PRKN: variants seen among roughly 807,000 people sequenced by gnomAD.
PRKN encodes E3 ubiquitin-protein ligase parkin.
In PRKN, 56 loss-of-function variants were observed where a neutral mutation model predicts 59.5. The observed-to-expected ratio is 0.94, with a 90% CI of 0.76 to 1.18. PRKN has a LOEUF of 1.18. PRKN is among the 50% of genes most tolerant of loss of function. The probability of loss-of-function intolerance (pLI) is 0.00; values close to 1 mark genes in which losing one functional copy is unlikely to be tolerated. For synonymous variants in PRKN, 250 were observed against 222.1 expected, an observed-to-expected ratio of 1.13 and a Z score of -1.12; for missense variants, 657 against 596.4, an observed-to-expected ratio of 1.10 and a Z score of -1.06.
At chr6:162,562,018 C>G (rs1269823526) in intron 1 of PRKN, among the ~76,000 whole-genome samples, 1 of 152,148 alleles carries the variant, frequency 6.6e-6, no homozygotes, top group African/African-American at 2.4e-5. Context: ...GCACAGTTCT[C>G]AGCTCCAGAA....
intron 1 of PRKN, among the ~76,000 whole-genome samples, chr6:162,487,049 A>AAT (rs1000673434): frequency 2.0e-5 from 3 of 152,060 alleles, no homozygotes; most frequent in African/African-American, 7.2e-5. Flanking sequence ...CAGCCTGGGC[A>AAT]ATAGAGTGAG....
At position 161,373,070 on chromosome 6, in the gene PRKN, C is replaced by T. The variant is rs1322961144; in HGVS notation, c.1168-12865G>A. 1.3e-5 allele frequency among the ~76,000 whole-genome samples: 2 copies of T among 152,050 alleles called. No homozygotes were observed. The highest frequency in any genetic ancestry group is 3.9e-4 in the East Asian group (2 of 5,174). On this transcript the variant is annotated intron_variant, in intron 10 of 11. Transcript: ENST00000366898. The surrounding 1 kb of genome is among the most constrained non-coding windows in gnomAD (Gnocchi z 4.8). ...AAGTGATCCTCCCACCCTGGCCTCC[C>T]AAAGTGTGGGGCTGCCGGTGTGAAC...
chr6:162,406,864 A>G (rs1788100677), intron 2 of PRKN, among the ~76,000 whole-genome samples: 1 of 150,698 alleles, frequency 6.6e-6, no homozygotes, highest in Non-Finnish European at 1.5e-5. Flanking sequence ...CTCCCTCCCC[A>G]CCCCAGTATT....
chr6:161,944,722 G>A (rs1232926698), intron 6 of PRKN, among the ~76,000 whole-genome samples: 1 of 152,090 alleles, frequency 6.6e-6, no homozygotes, highest in East Asian at 1.9e-4. Flanking sequence ...GTTGCTTTAG[G>A]AATTGTACTC....
chr6:162,520,798 T>C (rs575087744), intron 1 of PRKN, among the ~76,000 whole-genome samples: 1 of 146,904 alleles, frequency 6.8e-6, no homozygotes, highest in South Asian at 2.2e-4. Context: ...GGCCCTTAGT[T>C]TAAAAAAAAA....
At chr6:161,799,292 G>A (rs1315228768) in intron 6 of PRKN, among the ~76,000 whole-genome samples, 3 of 152,192 alleles carry the variant, frequency 2.0e-5, no homozygotes. Flanking sequence ...TATGTTCTCA[G>A]TGACTGACAG....
chr6:161,973,995 G>C (rs991835845), intron 5 of PRKN, among the ~76,000 whole-genome samples: 3 of 152,232 alleles, frequency 2.0e-5, no homozygotes, highest in Admixed American at 6.5e-5. Context: ...GGCCCGGCGC[G>C]TTGGCTCGCG....
At chr6:162,478,461 A>G (rs989560447) in intron 1 of PRKN, among the ~76,000 whole-genome samples, 21 of 152,274 alleles carry the variant, frequency 1.4e-4, no homozygotes, top group African/African-American at 5.1e-4. Context: ...AGAGCTTGCA[A>G]TGGTGAGGAG....
chr6:161,448,145 T>C lies in PRKN; in HGVS notation c.1084-61268A>G, dbSNP rs1356829475. Among the ~76,000 whole-genome samples, 1 of 152,188 alleles carries C rather than the reference T, an allele frequency of 6.6e-6. No homozygotes were observed. Among genetic ancestry groups the C allele is most frequent in the Non-Finnish European group, 1.5e-5 (1 of 68,028 alleles). On this transcript the variant is annotated intron_variant, in intron 9 of 11. Coordinates refer to ENST00000366898, the MANE Select transcript of PRKN (RefSeq NM_004562.3). This position sits in a 1 kb window ranked among gnomAD's most constrained non-coding sequence, Gnocchi z 5.1. ...GTTAGCCGTTGTATGGAAAACACCG[T>C]GATTCTGTTCAGCGCCTCCCTTTTG...
intron 5 of PRKN, among the ~76,000 whole-genome samples, chr6:162,022,610 C>T (rs1018844523): frequency 2.6e-5 from 4 of 152,136 alleles, no homozygotes; most frequent in Non-Finnish European, 4.4e-5. Flanking sequence ...TATTTTCTCT[C>T]ATTCTGTAAG....
At chr6:161,728,706 C>T (rs188141632) in intron 7 of PRKN, among the ~76,000 whole-genome samples, 617 of 152,168 alleles carry the variant, frequency 4.1e-3, no homozygotes, top group Admixed American at 7.1e-3. Flanking sequence ...CCCTCAGGAG[C>T]GAGGGGTGAG....
intron 2 of PRKN, among the ~76,000 whole-genome samples, chr6:162,390,097 C>T (rs947793037): frequency 6.6e-6 from 1 of 152,000 alleles, no homozygotes; most frequent in Non-Finnish European, 1.5e-5. Flanking sequence ...TGGGTAATAG[C>T]GCCAATGTTC....
intron 5 of PRKN, among the ~76,000 whole-genome samples, chr6:161,995,670 T>C (rs1781814357): frequency 6.6e-6 from 1 of 152,112 alleles, no homozygotes; most frequent in Admixed American, 6.6e-5. Context: ...TAAATATTAC[T>C]AATCATCAAG....
chr6:161,632,381 G>GT (rs1303931349), intron 7 of PRKN, among the ~76,000 whole-genome samples: 1 of 152,180 alleles, frequency 6.6e-6, no homozygotes, highest in Non-Finnish European at 1.5e-5. Flanking sequence ...TAAAATATCT[G>GT]TAACTATAGT....
chr6:161,599,323 A>G (rs1234206899), intron 7 of PRKN, among the ~76,000 whole-genome samples: 2 of 152,218 alleles, frequency 1.3e-5, no homozygotes, highest in Non-Finnish European at 2.9e-5. Context: ...TCCATCTGTC[A>G]CTATATAAAA....
chr6:161,957,093 T>C (rs1382019783), intron 6 of PRKN, among the ~76,000 whole-genome samples: 1 of 152,226 alleles, frequency 6.6e-6, no homozygotes, highest in Non-Finnish European at 1.5e-5. Context: ...TGGAGTGAGA[T>C]GGCACCTTCC....
intron 7 of PRKN, among the ~76,000 whole-genome samples, chr6:161,769,810 C>A (rs1034499150): frequency 2.6e-5 from 4 of 152,054 alleles, no homozygotes; most frequent in Admixed American, 2.6e-4. Context: ...GATACAAATG[C>A]CCCTCAGAAG....
At chr6:162,610,373 T>C (rs1235355846) in intron 1 of PRKN, among the ~76,000 whole-genome samples, 1 of 152,200 alleles carries the variant, frequency 6.6e-6, no homozygotes, top group Non-Finnish European at 1.5e-5. Flanking sequence ...AAAATAGCTC[T>C]AGAAATCTTA....
intron 6 of PRKN, among the ~76,000 whole-genome samples, chr6:161,906,893 C>G (rs1778171136): frequency 6.6e-6 from 1 of 151,928 alleles, no homozygotes; most frequent in Non-Finnish European, 1.5e-5. Context: ...CCGGAAGACT[C>G]AGCCAGTCTA....
Sources: gnomAD v4.1 joint callset for allele counts (sites outside exome capture counted in the v4.1 genomes callset) on GRCh38, gnomAD v4.1.1 for gene constraint, Gnocchi (gnomAD v3.1) non-coding constraint, MANE v1.5 for transcripts, NCBI Gene and HGNC (gene_info 2026-07-23, HGNC 2026-07-21) for gene names.